The following PRKCG variants were observed in gnomAD, a reference collection of about 807,000 sequenced individuals.
PRKCG encodes the protein protein kinase C gamma.
PRKCG carries 28 observed loss-of-function variants against 82.0 expected under a neutral mutation model. That is an observed-to-expected ratio of 0.34 (90% CI 0.25 to 0.47). PRKCG has a LOEUF of 0.47. PRKCG is among the 20% of genes least tolerant of loss of function. The probability of loss-of-function intolerance (pLI) is 1.00; values close to 1 mark genes in which losing one functional copy is unlikely to be tolerated. For synonymous variants in PRKCG, 383 were observed against 376.6 expected (o/e 1.02, Z -0.20); for missense variants, 640 against 952.7 (o/e 0.67, Z 4.32).
chr19:53,900,581 A>T lies in PRKCG; in HGVS notation c.1437-30A>T. 6.2e-7 allele frequency: 1 copy of T among 1,614,194 alleles called. No individual in the cohort carries two copies. Among genetic ancestry groups the T allele is most frequent in the Non-Finnish European group, 8.5e-7 (1 of 1,180,034 alleles). On this transcript the variant is annotated intron_variant, in intron 13 of 17. Transcript: ENST00000263431. The surrounding 1 kb of genome is among the most constrained non-coding windows in gnomAD (Gnocchi z 4.2). ...ACTGCTGAACTCAACACTTCTTGCA[A>T]TTCCTGCCCCACACCCCTGCATCGT...
intron 9 of PRKCG, among the ~76,000 whole-genome samples, chr19:53,895,534 C>T (rs2123003569): frequency 1.4e-5 from 2 of 146,364 alleles, no homozygotes; most frequent in Admixed American, 1.4e-4. Context: ...CAAGATTCAA[C>T]AACAGCAACA....
intron 11 of PRKCG, among the ~76,000 whole-genome samples, chr19:53,899,164 C>T (rs1411556023): frequency 6.6e-6 from 1 of 150,616 alleles, no homozygotes; most frequent in Non-Finnish European, 1.5e-5. Flanking sequence ...GCGGTGAGTT[C>T]CTCGGTGGCA....
chr19:53,893,191 C>A, intron 8 of PRKCG, 116 bp downstream of exon 8: 1 of 1,214,720 alleles, frequency 8.2e-7, no homozygotes, highest in South Asian at 1.2e-5. Context: ...TCCCAGAAGA[C>A]CCTAGGACTC....
At chr19:53,897,938 C>T (rs1269114190) in intron 9 of PRKCG, 21 bp from the exon 10 acceptor site, 2 of 1,613,412 alleles carry the variant, frequency 1.2e-6, no homozygotes, top group Admixed American at 1.7e-5. Flanking sequence ...GCCTCTGGCT[C>T]TTTCTTTCTC....
At chr19:53,906,556 G>T (rs1273357027) in intron 17 of PRKCG, 99 bp downstream of exon 17, 18 of 1,565,056 alleles carry the variant, frequency 1.2e-5, no homozygotes, top group Non-Finnish European at 1.6e-5. Context: ...TCCCTCTGCA[G>T]AGCCCCCCGC....
chr19:53,906,468 C>T lies in PRKCG; in HGVS notation c.1905+11C>T. 1 of 1,573,146 alleles carries T rather than the reference C, an allele frequency of 6.4e-7. No homozygotes were observed. Among genetic ancestry groups the T allele is most frequent in the Non-Finnish European group, 8.6e-7 (1 of 1,158,444 alleles). ...TTCAGACCCCGCCCGGTCAGTCACC[C>T]TCCAGGCAACAAAAACCTGGTCCCT... is the stretch of plus-strand genomic sequence containing the variant. On this transcript the variant is annotated intron_variant, in intron 17 of 17. Coordinates refer to ENST00000263431, the MANE Select transcript of PRKCG (RefSeq NM_002739.5).
At chr19:53,906,038 CCTCCCTCCT>C (rs1303000173) in intron 16 of PRKCG, among the ~76,000 whole-genome samples, 2 of 78,014 alleles carry the variant, frequency 2.6e-5, no homozygotes, top group South Asian at 5.7e-4. Flanking sequence ...TCCTCCTCCT[CCTCCCTCCT>C]CCTCCTCCTC....
At chr19:53,902,928 A>G in intron 14 of PRKCG, 145 bp from the exon 15 acceptor site, 1 of 701,776 alleles carries the variant, frequency 1.4e-6, no homozygotes, top group South Asian at 1.5e-5. Context: ...GAAACAAAAA[A>G]TCACCTGATG....
chr19:53,897,355 G>T (rs1196171096), intron 9 of PRKCG, among the ~76,000 whole-genome samples: 1 of 152,142 alleles, frequency 6.6e-6, no homozygotes, highest in African/African-American at 2.4e-5. Context: ...TCCCTGGGGG[G>T]CCGAGGCAGG....
At position 53,884,059 on chromosome 19, in the gene PRKCG, A is replaced by C. The variant is rs307956; in HGVS notation, c.203-102A>C. 2 of 1,125,854 alleles carry C rather than the reference A, an allele frequency of 1.8e-6. No homozygotes were observed. The highest frequency in any genetic ancestry group is 1.3e-6 in the Non-Finnish European group (1 of 749,700). 69.7% of individuals were successfully genotyped at this position (1,125,854 alleles called of 1,614,324 possible). ...AGATCCCTCTCTTTCTGGTTTTCTC[A>C]GTGTCCGAGTTCCGCTCTCTCTTTC... On this transcript the variant is annotated intron_variant, in intron 2 of 17. Coordinates refer to ENST00000263431, the MANE Select transcript of PRKCG (RefSeq NM_002739.5). This position sits in a 1 kb window ranked among gnomAD's most constrained non-coding sequence, Gnocchi z 4.6.
At chr19:53,881,131 C>CAGAG (rs36156511), upstream of PRKCG, among the ~76,000 whole-genome samples, 45 of 148,582 alleles carry the variant, frequency 3.0e-4, no homozygotes, top group East Asian at 1.4e-3. Flanking sequence ...CCCCTAGCAT[C>CAGAG]AGAGAGAGAG....
chr19:53,906,260 C>T lies in PRKCG; in HGVS notation c.1765-57C>T. 4 of 1,548,434 alleles carry T rather than the reference C, an allele frequency of 2.6e-6. No individual in the cohort carries two copies. The East Asian group carries it at 9.8e-5, about 38-fold the overall frequency. On this transcript the variant is annotated intron_variant, in intron 16 of 17. Coordinates refer to ENST00000263431, the MANE Select transcript of PRKCG (RefSeq NM_002739.5). ...TGTCTCTGTCCCTCTTTCTCTGGGTCTACCTGTCCGGCACTCTGTCTGTTT... is the reference window on the plus strand; with the variant it reads ...TGTCTCTGTCCCTCTTTCTCTGGGTTTACCTGTCCGGCACTCTGTCTGTTT...
rs895148111 is a variant in PRKCG at position 53,884,541 on chromosome 19, A to G, written c.285+298A>G. 6.6e-6 allele frequency among the ~76,000 whole-genome samples: 1 copy of G among 151,958 alleles called. No homozygotes were observed. The highest frequency in any genetic ancestry group is 1.5e-5 in the Non-Finnish European group (1 of 68,016). On this transcript the variant is annotated intron_variant, in intron 3 of 17. Transcript: ENST00000263431. This position sits in a 1 kb window ranked among gnomAD's most constrained non-coding sequence, Gnocchi z 4.6. ...GGGGTGAAGGGATTTAAAAATTGAG[A>G]GCTGAGGGGCACACGGAGAAAAATA...
chr19:53,899,073 G>A (rs1344387346), intron 11 of PRKCG, among the ~76,000 whole-genome samples: 1 of 150,646 alleles, frequency 6.6e-6, no homozygotes, highest in African/African-American at 2.4e-5. Flanking sequence ...AGGCAGACGA[G>A]ATTATGAATG....
In PRKCG at chr19:53,898,460, G is replaced by A; in HGVS notation, c.1113G>A (p.Arg371=). The A allele has an allele frequency of 2.5e-6, 4 of 1,614,010 alleles. No homozygotes were observed. The highest frequency in any genetic ancestry group is 3.4e-6 in the Non-Finnish European group (4 of 1,180,032). ...SFGKVMLAER[R]GSDELYAIKI... is the part of the protein sequence containing the mutation. ...CATAGGTGATGCTGGCCGAGCGCAG[G>A]GGCTCTGATGAGCTCTACGCCATCA... The change falls in exon 11 of 18, where the codon AGG becomes AGA. Residue 371 remains arginine (R), a synonymous_variant. Transcript: ENST00000263431.
intron 9 of PRKCG, 135 bp from the exon 10 acceptor site, chr19:53,897,824 G>T: frequency 8.4e-7 from 1 of 1,185,418 alleles, no homozygotes; most frequent in South Asian, 1.3e-5. Flanking sequence ...CAAGGACAGG[G>T]TAGGAGGGTG....
chr19:53,888,658 CTA>C (rs1239641479), intron 3 of PRKCG, among the ~76,000 whole-genome samples: 2 of 152,098 alleles, frequency 1.3e-5, no homozygotes. Context: ...GTAGGCACAG[CTA>C]TGTTTTGTAC....
At chr19:53,881,753 T>A, upstream of PRKCG, 1 of 149,188 alleles carries the variant, frequency 6.7e-6, no homozygotes, top group African/African-American at 2.5e-5. Context: ...GGGACAGAGG[T>A]CACAAGAAAG....
At position 53,889,977 on chromosome 19, in the gene PRKCG, G is replaced by A. The variant is rs750974837; in HGVS notation, c.489G>A (p.Leu163=). 1.9e-6 allele frequency: 3 copies of A among 1,573,000 alleles called. No homozygotes were observed. Among genetic ancestry groups the A allele is most frequent in the Non-Finnish European group, 2.6e-6 (3 of 1,161,078 alleles). Residue 163 remains leucine, a synonymous_variant, in exon 5 of 18, where the codon CTG becomes CTA. Transcript: ENST00000263431. This position sits in a 1 kb window ranked among gnomAD's most constrained non-coding sequence, Gnocchi z 4.4. The stretch of plus-strand genomic sequence containing the variant: ...CCGAGCGCCGCGGGCGCCTGCAGCT[G>A]GAGATCCGGGCTCCCACAGCAGATG... The part of the protein sequence containing the change: ...DHTERRGRLQ[L]EIRAPTADEI...
Sources: allele counts gnomAD v4.1 joint callset (sites outside exome capture counted in the v4.1 genomes callset), GRCh38; gene constraint gnomAD v4.1.1; non-coding constraint Gnocchi (gnomAD v3.1); transcripts MANE v1.5; gene names NCBI Gene and HGNC (gene_info 2026-07-23, HGNC 2026-07-21).